ABHD12: variants seen among roughly 807,000 people sequenced by gnomAD.
The protein encoded by ABHD12 is abhydrolase domain containing 12, lysophospholipase, also known as lysophosphatidylserine lipase ABHD12.
ABHD12 carries 43 observed loss-of-function variants against 58.3 expected under a neutral mutation model. The observed-to-expected ratio is 0.74, with a 90% CI of 0.58 to 0.95. ABHD12 has a LOEUF of 0.95. Among genes scored for constraint, ABHD12 ranks in the 40% least tolerant of loss-of-function variants. The pLI is 0.00. For missense variants in ABHD12, 539 were observed against 537.2 expected, an observed-to-expected ratio of 1.00 and a Z score of -0.03; for synonymous variants, 219 against 211.2, an observed-to-expected ratio of 1.04 and a Z score of -0.32.
chr20:25,339,917 G>A (rs1325934884), intron 1 of ABHD12, among the ~76,000 whole-genome samples: 1 of 152,248 alleles, frequency 6.6e-6, no homozygotes, highest in African/African-American at 2.4e-5. Flanking sequence ...CCACCCAACA[G>A]AGGACCCTTT....
chr20:25,383,074 T>G (rs1372186513), intron 1 of ABHD12, among the ~76,000 whole-genome samples: 1 of 152,000 alleles, frequency 6.6e-6, no homozygotes, highest in Non-Finnish European at 1.5e-5. Flanking sequence ...AAAAGCTAGC[T>G]CAGAACTCGC....
At chr20:25,375,163 A>C (rs2089947211) in intron 1 of ABHD12, among the ~76,000 whole-genome samples, 1 of 152,238 alleles carries the variant, frequency 6.6e-6, no homozygotes, top group Non-Finnish European at 1.5e-5. Context: ...GGCAAAGCAG[A>C]GGGGCCTCAT....
In ABHD12 at chr20:25,323,372, C is replaced by G. The variant is rs1048930924; in HGVS notation, c.375G>C (p.Thr125=). ...CCTCTGGCTGCAGGTAGTAGTTACA[C>G]GTGTGATTCAAACCTTGATCCTGTG... ...KKPQDQGLNH[T]CNYYLQPEED... is the part of the protein sequence containing the mutation. The change falls in exon 3 of 13, where the codon ACG becomes ACC. Residue 125 remains threonine (T), a synonymous_variant. Transcript: ENST00000339157. 1 of 1,613,978 alleles carries G rather than the reference C, an allele frequency of 6.2e-7. No individual in the cohort carries two copies. The highest frequency in any genetic ancestry group is 1.3e-5 in the African/African-American group (1 of 74,928).
chr20:25,294,791 G>A, exon 13 of ABHD12: 1 of 706,932 alleles, frequency 1.4e-6, no homozygotes, highest in Non-Finnish European at 2.6e-6. Context: ...TTAGCACATG[G>A]TATGGTTTAT....
intron 2 of ABHD12, among the ~76,000 whole-genome samples, chr20:25,331,897 C>A (rs1162700884): frequency 6.6e-6 from 1 of 151,954 alleles, no homozygotes; most frequent in Non-Finnish European, 1.5e-5. Flanking sequence ...ACTGCATCAA[C>A]TAATGAGCAA....
downstream of ABHD12, chr20:25,298,101 G>C (rs1401448100): frequency 2.0e-5 from 3 of 152,270 alleles, no homozygotes; most frequent in East Asian, 3.9e-4. Context: ...CTGAGGCCCA[G>C]GGTGGTGCCA....
chr20:25,334,617 A>C (rs1250005292), intron 2 of ABHD12, among the ~76,000 whole-genome samples: 1 of 151,914 alleles, frequency 6.6e-6, no homozygotes, highest in African/African-American at 2.4e-5. Context: ...ATATAGATCA[A>C]TGGAACAGAA....
chr20:25,303,637 G>C lies in ABHD12; in HGVS notation c.951-9C>G. On this transcript the variant is annotated splice_polypyrimidine_tract_variant and intron_variant, in intron 10 of 12. Transcript: ENST00000339157. ...AGGAGATGTGCTTCACGCTGTAGGAGGGAGAAGGGGCTAGACCAAGACCAG... is the reference window on the plus strand; with the variant it reads ...AGGAGATGTGCTTCACGCTGTAGGACGGAGAAGGGGCTAGACCAAGACCAG... The C allele has an allele frequency of 6.2e-7, 1 of 1,613,466 alleles. No homozygotes were observed. Among genetic ancestry groups the C allele is most frequent in the Non-Finnish European group, 8.5e-7 (1 of 1,179,966 alleles).
intron 2 of ABHD12, among the ~76,000 whole-genome samples, chr20:25,325,837 G>GCC (rs2089165595): frequency 6.6e-6 from 1 of 152,082 alleles, no homozygotes; most frequent in Non-Finnish European, 1.5e-5. Context: ...TTGGGAGGCC[G>GCC]AGGCAGGTGG....
intron 9 of ABHD12, among the ~76,000 whole-genome samples, chr20:25,307,258 C>A (rs1356438074): frequency 6.6e-6 from 1 of 152,232 alleles, no homozygotes; most frequent in Non-Finnish European, 1.5e-5. Context: ...GGCCGCCACC[C>A]CTGAGAAAGT....
intron 11 of ABHD12, among the ~76,000 whole-genome samples, chr20:25,302,987 A>G (rs1304296306): frequency 6.6e-6 from 1 of 152,180 alleles, no homozygotes; most frequent in Middle Eastern, 3.2e-3. Flanking sequence ...CTGAGCCACA[A>G]ATCCAATCCA....
At chr20:25,385,772 A>G (rs2090081447) in intron 1 of ABHD12, among the ~76,000 whole-genome samples, 1 of 152,138 alleles carries the variant, frequency 6.6e-6, no homozygotes, top group East Asian at 1.9e-4. Flanking sequence ...TTTTAAACAA[A>G]TAATTTAAAA....
chr20:25,376,585 T>A (rs929186231), intron 1 of ABHD12, among the ~76,000 whole-genome samples: 7 of 152,232 alleles, frequency 4.6e-5, no homozygotes, highest in African/African-American at 1.7e-4. Flanking sequence ...TCAGGTGCTT[T>A]ACACACAGCC....
chr20:25,368,576 C>T (rs1318065518), intron 1 of ABHD12: 4 of 1,397,922 alleles, frequency 2.9e-6, no homozygotes, highest in African/African-American at 2.8e-5. Flanking sequence ...GTGAAGTCAC[C>T]ACCCTGATAC....
Position 25,308,023 on chromosome 20 carries a change from T to C in ABHD12, c.810A>G (p.Ile270Met), listed in dbSNP as rs1225901012. ...GGATATTAGTGAATGGAGATTCCAA[T>C]ATAAGGGCATCTGGAGGCGTCTCTA... ...CERETPPDAL[I>M]LESPFTNIRE... The change falls in exon 9 of 13, where the codon ATA (isoleucine) becomes ATG (methionine). Residue 270 changes from isoleucine (I) to methionine (M), a missense_variant. Physicochemically the swap from Ile to Met is conservative, Grantham distance 10. Transcript: ENST00000339157. The C allele has an allele frequency of 6.2e-7, 1 of 1,608,894 alleles. No individual in the cohort carries two copies. The highest frequency in any genetic ancestry group is 8.5e-7 in the Non-Finnish European group (1 of 1,175,252).
At position 25,309,525 on chromosome 20, in the gene ABHD12, C is replaced by A. The variant is rs746073206; in HGVS notation, c.670G>T (p.Ala224Ser). The A allele has an allele frequency of 6.2e-7, 1 of 1,614,186 alleles. No individual in the cohort carries two copies. Among genetic ancestry groups the A allele is most frequent in the African/African-American group, 1.3e-5 (1 of 75,058 alleles). The change falls in exon 7 of 13, where the codon GCA becomes TCA. Residue 224 changes from alanine to serine, a missense_variant. Coordinates refer to ENST00000339157, the MANE Select transcript of ABHD12 (RefSeq NM_001042472.3). ...TPSERGMTYD[A>S]LHVFDWIKAR... ...TTGATCCAGTCAAAAACGTGGAGTGCGTCATAGGTCATGCCCCGCTCAGAT... is the reference window on the plus strand; with the variant it reads ...TTGATCCAGTCAAAAACGTGGAGTGAGTCATAGGTCATGCCCCGCTCAGAT...
chr20:25,324,729 A>G (rs2089143654), intron 2 of ABHD12, among the ~76,000 whole-genome samples: 1 of 152,258 alleles, frequency 6.6e-6, no homozygotes, highest in African/African-American at 2.4e-5. Flanking sequence ...AAACTCCCTG[A>G]GCGTCTGTCC....
At chr20:25,382,446 C>T (rs1340369059) in intron 1 of ABHD12, among the ~76,000 whole-genome samples, 1 of 152,128 alleles carries the variant, frequency 6.6e-6, no homozygotes, top group Non-Finnish European at 1.5e-5. Flanking sequence ...AGAGCATTGA[C>T]TTCATCTGTC....
downstream of ABHD12, chr20:25,296,450 G>C (rs985900246): frequency 6.2e-7 from 1 of 1,613,908 alleles, no homozygotes; most frequent in African/African-American, 1.3e-5. Flanking sequence ...CCATCACGGA[G>C]TATGCACGGG....
Sources: allele counts gnomAD v4.1 joint callset (sites outside exome capture counted in the v4.1 genomes callset), GRCh38; gene constraint gnomAD v4.1.1; transcripts MANE v1.5; gene names NCBI Gene and HGNC (gene_info 2026-07-23, HGNC 2026-07-21).